The following GGNBP2 variants were observed in gnomAD, a reference collection of about 807,000 sequenced individuals.
GGNBP2 encodes gametogenetin-binding protein 2.
In GGNBP2, 10 loss-of-function variants were observed where a neutral mutation model predicts 85.9. The ratio of observed to expected loss-of-function variants is 0.12; its 90% CI spans 0.07 to 0.20. The LOEUF (loss-of-function observed/expected upper bound fraction) is 0.20. GGNBP2 is among the 10% of genes least tolerant of loss of function. The pLI is 1.00. For synonymous variants in GGNBP2, 287 were observed against 285.7 expected, an observed-to-expected ratio of 1.00 and a Z score of -0.05; for missense variants, 595 against 857.8, an observed-to-expected ratio of 0.69 and a Z score of 3.83.
intron 6 of GGNBP2, chr17:36,574,717 A>G: frequency 1.6e-6 from 1 of 632,042 alleles, no homozygotes. Flanking sequence ...TCTTGGGTAC[A>G]GGCACTGAGA....
At chr17:36,559,600 GT>G (rs756203684) in intron 4 of GGNBP2, among the ~76,000 whole-genome samples, 129 of 152,266 alleles carry the variant, frequency 8.5e-4, no homozygotes, top group Non-Finnish European at 1.2e-3. Context: ...GCCTTGGAGT[GT>G]TTTTGAACAG....
intron 5 of GGNBP2, among the ~76,000 whole-genome samples, chr17:36,566,931 T>C (rs921364451): frequency 6.6e-5 from 10 of 151,930 alleles, no homozygotes; most frequent in African/African-American, 2.4e-4. Context: ...TTTGGGAGGC[T>C]GAGGTGGGAG....
Position 36,585,860 on chromosome 17 carries a change from G to A in GGNBP2, c.1387G>A (p.Gly463Ser), listed in dbSNP as rs761872120. The A allele has an allele frequency of 3.7e-6, 6 of 1,613,104 alleles. No homozygotes were observed. Among genetic ancestry groups the A allele is most frequent in the Admixed American group, 3.3e-5 (2 of 59,994 alleles). Residue 463 changes from glycine to serine, a missense_variant, in exon 11 of 14, where the codon GGT (glycine) becomes AGT (serine). Gly to Ser is a moderately conservative substitution (Grantham distance 56). Around this residue, in one of 9 missense-constraint regions of GGNBP2, gnomAD observed 85 missense variants for 92.6 expected, o/e 0.92. Transcript: ENST00000613102. ...IKKGLSPHCN[G>S]SDCGYSSSME... ...CTCAGGCTTATCTCCACACTGTAATGGTAGTGATTGTGGATATTCATCTAG... is the reference window on the plus strand; with the variant it reads ...CTCAGGCTTATCTCCACACTGTAATAGTAGTGATTGTGGATATTCATCTAG...
chr17:36,589,059 T>C (rs2074732338), intron 13 of GGNBP2, 149 bp from the exon 14 acceptor site: 5 of 630,136 alleles, frequency 7.9e-6, no homozygotes, highest in Non-Finnish European at 1.4e-5. Flanking sequence ...AATGACATGA[T>C]GCTTATTCTG....
In GGNBP2 at chr17:36,557,217, T is replaced by C; in HGVS notation, c.309T>C (p.Leu103=). The C allele has an allele frequency of 1.2e-6, 2 of 1,614,092 alleles. No homozygotes were observed. The highest frequency in any genetic ancestry group is 1.1e-5 in the South Asian group (1 of 91,076). The stretch of plus-strand genomic sequence containing the variant: ...GTGTGGAGCGTCTCTTTTCCCAGCT[T>C]GTAGAGTCTGGAAATCCTGCTCTTG... ...RRSVERLFSQ[L]VESGNPALEP... The change falls in exon 4 of 14, where the codon CTT becomes CTC. Residue 103 remains leucine, a synonymous_variant. Coordinates refer to ENST00000613102, the MANE Select transcript of GGNBP2 (RefSeq NM_024835.5).
chr17:36,587,047 A>C lies in GGNBP2; in HGVS notation c.1692A>C (p.Ser564=), dbSNP rs141907579. ...CITDPGNRET[S]GNTMHTVFHR... ...CAGATCCAGGTAATCGAGAGACCTC[A>C]GGAAATACCATGCACACAGTGTTTC... The change falls in exon 13 of 14, where the codon TCA becomes TCC. Residue 564 remains serine, a synonymous_variant. Transcript: ENST00000613102. The C allele has an allele frequency of 2.1e-5, 34 of 1,613,692 alleles. No homozygotes were observed. Among genetic ancestry groups the C allele is most frequent in the Non-Finnish European group, 2.7e-5 (32 of 1,179,840 alleles).
Position 36,585,364 on chromosome 17 carries a change from G to A in GGNBP2, c.1280G>A (p.Cys427Tyr). 1.9e-6 allele frequency: 3 copies of A among 1,611,810 alleles called. No homozygotes were observed. Among genetic ancestry groups the A allele is most frequent in the Non-Finnish European group, 2.5e-6 (3 of 1,178,076 alleles). ...GGCAGCACTGAAGATGGTAATACTT[G>A]TGTAGAAGTAATTGTTACCAATGAA... ...ACGSTEDGNTCVEVIVTNENT... is the reference protein window; with the variant it reads ...ACGSTEDGNTYVEVIVTNENT... The change falls in exon 10 of 14, where the codon TGT becomes TAT. Residue 427 changes from cysteine to tyrosine, a missense_variant. Transcript: ENST00000613102.
At position 36,587,184 on chromosome 17, in the gene GGNBP2, C is replaced by T. The variant is rs780318122; in HGVS notation, c.1829C>T (p.Pro610Leu). Residue 610 changes from proline (P) to leucine (L), a missense_variant, in exon 13 of 14, where the codon CCT becomes CTT. Around this residue, in one of 9 missense-constraint regions of GGNBP2, gnomAD observed 120 missense variants for 126.3 expected, o/e 0.95. Coordinates refer to ENST00000613102, the MANE Select transcript of GGNBP2 (RefSeq NM_024835.5). ...HRKNVPQFAE[P>L]TETLFGPDSG... ...AAAAATGTACCACAGTTTGCAGAAC[C>T]TACAGAAACGTTGTTTGGTCCCGAT... The T allele has an allele frequency of 6.2e-7, 1 of 1,614,096 alleles. No individual in the cohort carries two copies. Among genetic ancestry groups the T allele is most frequent in the Non-Finnish European group, 8.5e-7 (1 of 1,180,010 alleles).
intron 6 of GGNBP2, chr17:36,576,589 A>ATGTGTG (rs1375645555): frequency 9.7e-5 from 4 of 41,386 alleles, no homozygotes; most frequent in African/African-American, 4.4e-4. Flanking sequence ...AAAAAAATAT[A>ATGTGTG]TATATATGTG....
At chr17:36,582,522 T>A (rs2074661473) in intron 9 of GGNBP2, 1 of 152,278 alleles carries the variant, frequency 6.6e-6, no homozygotes. Context: ...TGGTTGAATT[T>A]ATGGATGCAG....
intron 5 of GGNBP2, among the ~76,000 whole-genome samples, chr17:36,567,362 A>C (rs1400549778): frequency 6.6e-6 from 1 of 152,194 alleles, no homozygotes; most frequent in Non-Finnish European, 1.5e-5. Context: ...TTAATCATTA[A>C]AGTGTTCATG....
At chr17:36,569,630 G>A (rs1555606438) in intron 6 of GGNBP2, among the ~76,000 whole-genome samples, 1 of 152,146 alleles carries the variant, frequency 6.6e-6, no homozygotes, top group Non-Finnish European at 1.5e-5. Context: ...CGCATACCAA[G>A]TTTATTGGTG....
At chr17:36,561,730 TCTC>T (rs751030009) in intron 5 of GGNBP2, among the ~76,000 whole-genome samples, 46 of 152,036 alleles carry the variant, frequency 3.0e-4, no homozygotes, top group Non-Finnish European at 6.2e-4. Context: ...TTCAAGCTGT[TCTC>T]CTGCCCCAGC....
At chr17:36,574,314 T>G (rs1555607313) in intron 6 of GGNBP2, 2 of 154,976 alleles carry the variant, frequency 1.3e-5, no homozygotes, top group African/African-American at 4.8e-5. Flanking sequence ...TACCTAGGTT[T>G]GTGTAAGTAC....
chr17:36,567,744 A>G lies in GGNBP2; in HGVS notation c.609A>G (p.Leu203=), dbSNP rs763704079. ...EVVLIDSSCL[L]ETLETYLRKH... ...TTTTAATTGACTCGAGTTGTCTTTT[A>G]GAAACACTAGAAACATATCTGCGAA... The change falls in exon 6 of 14, where the codon TTA becomes TTG. Residue 203 remains leucine (L), a synonymous_variant. Transcript: ENST00000613102. The G allele has an allele frequency of 1.4e-5, 23 of 1,594,576 alleles. No individual in the cohort carries two copies. Among genetic ancestry groups the G allele is most frequent in the Middle Eastern group, 1.7e-4 (1 of 6,042 alleles).
chr17:36,560,287 T>C (rs940376794), intron 4 of GGNBP2, among the ~76,000 whole-genome samples: 2 of 152,226 alleles, frequency 1.3e-5, no homozygotes, highest in African/African-American at 2.4e-5. Context: ...AAAGGTAGAA[T>C]TGGCAAACTT....
chr17:36,584,675 G>A (rs1285997939), intron 9 of GGNBP2, among the ~76,000 whole-genome samples: 3 of 152,216 alleles, frequency 2.0e-5, no homozygotes, highest in Non-Finnish European at 4.4e-5. Flanking sequence ...TTGACAGGGC[G>A]TGGAGGCTCA....
chr17:36,583,871 C>T (rs1245445208), intron 9 of GGNBP2, among the ~76,000 whole-genome samples: 4 of 152,210 alleles, frequency 2.6e-5, no homozygotes, highest in African/African-American at 9.7e-5. Flanking sequence ...TGGAATCTGG[C>T]ACCTTATCAA....
At chr17:36,587,352 G>A (rs777761413) in intron 13 of GGNBP2, 107 bp downstream of exon 13, 14 of 1,138,922 alleles carry the variant, frequency 1.2e-5, no homozygotes, top group Non-Finnish European at 9.1e-6. Flanking sequence ...GGAAGCTTAT[G>A]AGAAATTAAG....
Sources: allele counts gnomAD v4.1 joint callset (sites outside exome capture counted in the v4.1 genomes callset), GRCh38; gene constraint gnomAD v4.1.1; regional missense constraint gnomAD v4.1.1; transcripts MANE v1.5; gene names NCBI Gene and HGNC (gene_info 2026-07-23, HGNC 2026-07-21).